KCNMA1: variants seen among roughly 807,000 people sequenced by gnomAD.
KCNMA1 encodes Calcium-activated potassium channel subunit alpha-1.
Under a neutral mutation model 140.0 loss-of-function variants are expected in KCNMA1, and 29 were observed. That is an observed-to-expected ratio of 0.21 (90% confidence interval 0.15 to 0.28). KCNMA1 has a LOEUF of 0.28. Among genes scored for constraint, KCNMA1 ranks in the 10% least tolerant of loss-of-function variants. KCNMA1 has a pLI of 1.00. For synonymous variants in KCNMA1, 612 were observed against 611.9 expected, an observed-to-expected ratio of 1.00 and a Z score of 0.00; for missense variants, 880 against 1,602.2, an observed-to-expected ratio of 0.55 and a Z score of 7.70.
chr10:76,965,211 A>C (rs11001948), intron 20 of KCNMA1, among the ~76,000 whole-genome samples: 11,553 of 152,204 alleles, frequency 0.076, 589 homozygotes, highest in Admixed American at 0.17. Context: ...TGATGATTTT[A>C]GAGGAAAACT....
At chr10:77,063,767 C>CA in intron 14 of KCNMA1, 1 of 985,338 alleles carries the variant, frequency 1.0e-6, no homozygotes, top group Non-Finnish European at 1.2e-6. Flanking sequence ...CTCAAAAAAC[C>CA]AAAGTCAAAA....
chr10:77,246,361 C>T (rs1208547608), intron 3 of KCNMA1, among the ~76,000 whole-genome samples: 2 of 152,216 alleles, frequency 1.3e-5, no homozygotes, highest in African/African-American at 4.8e-5. Flanking sequence ...GTTGCATGTG[C>T]TATTTTTGGT....
At position 77,438,851 on chromosome 10, in the gene KCNMA1, T is replaced by C. The variant is rs528950203; in HGVS notation, c.379-34828A>G. On this transcript the variant is annotated intron_variant, in intron 1 of 27. Coordinates refer to ENST00000286628, the MANE Select transcript of KCNMA1 (RefSeq NM_001161352.2). ...CAGCACTTTGGGAGGCCAAGACGGGTGGATCACCTGAGGTCAGGAGTTCAA... is the reference window on the plus strand; with the variant it reads ...CAGCACTTTGGGAGGCCAAGACGGGCGGATCACCTGAGGTCAGGAGTTCAA... Among the ~76,000 whole-genome samples the C allele has an allele frequency of 2.6e-5, 4 of 151,886 alleles. No individual in the cohort carries two copies. The South Asian group carries it at 8.3e-4, about 32-fold the overall frequency.
At position 77,582,348 on chromosome 10, in the gene KCNMA1, CAACTT is replaced by C. The variant is rs566119203; in HGVS notation, c.378+54912_378+54916del. Among the ~76,000 whole-genome samples, 16 of 152,320 alleles carry C rather than the reference CAACTT, an allele frequency of 1.1e-4. No homozygotes were observed. The East Asian group carries it at 2.9e-3, about 28-fold the overall frequency. On this transcript the variant is annotated intron_variant, in intron 1 of 27. Coordinates refer to ENST00000286628, the MANE Select transcript of KCNMA1 (RefSeq NM_001161352.2). ...CATCAGGGTTATTATGAGGCATAAA[CAACTT>C]AATATATGTGGAAGAGGAGCTTAAT...
chr10:77,146,224 T>C (rs1223614298), intron 5 of KCNMA1, among the ~76,000 whole-genome samples: 1 of 152,168 alleles, frequency 6.6e-6, no homozygotes, highest in East Asian at 1.9e-4. Flanking sequence ...GAAATTAGCC[T>C]TCTTCTCTTC....
At chr10:77,515,230 G>A (rs907419197) in intron 1 of KCNMA1, among the ~76,000 whole-genome samples, 4 of 152,114 alleles carry the variant, frequency 2.6e-5, no homozygotes, top group Admixed American at 6.5e-5. Context: ...AAAGGAGAGC[G>A]TGCAATGGCT....
Position 77,529,095 on chromosome 10 carries a change from A to T in KCNMA1, c.378+108170T>A, listed in dbSNP as rs184152628. Among the ~76,000 whole-genome samples, 541 of 148,318 alleles carry T rather than the reference A, an allele frequency of 3.6e-3. 4 individuals carry two copies. The highest frequency in any genetic ancestry group is 0.012 in the African/African-American group (477 of 38,490). On this transcript the variant is annotated intron_variant, in intron 1 of 27. Coordinates refer to ENST00000286628, the MANE Select transcript of KCNMA1 (RefSeq NM_001161352.2). The stretch of plus-strand genomic sequence containing the variant: ...AGTGTGTATATTTTACCATAATAAT[A>T]AAAAAAAAGAATTCAGAAAGGGCAC...
chr10:77,595,468 C>T (rs2080626491), intron 1 of KCNMA1, among the ~76,000 whole-genome samples: 1 of 151,582 alleles, frequency 6.6e-6, no homozygotes, highest in Non-Finnish European at 1.5e-5. Flanking sequence ...GGCACATGGA[C>T]TTCGGGGCCC....
intron 1 of KCNMA1, chr10:77,587,746 C>G (rs1320119657): frequency 2.0e-6 from 2 of 985,266 alleles, no homozygotes; most frequent in Non-Finnish European, 2.4e-6. Flanking sequence ...TTCCCAGGTG[C>G]TTTCATGTCT....
intron 1 of KCNMA1, among the ~76,000 whole-genome samples, chr10:77,452,450 A>AT: frequency 6.6e-6 from 1 of 152,356 alleles, no homozygotes; most frequent in Middle Eastern, 3.4e-3. Flanking sequence ...TGTGAAAGAC[A>AT]TTTGGGTGGT....
At chr10:76,916,489 C>T (rs144392411) in intron 23 of KCNMA1, among the ~76,000 whole-genome samples, 265 of 152,306 alleles carry the variant, frequency 1.7e-3, no homozygotes, top group Middle Eastern at 6.8e-3. Flanking sequence ...ATTTTTCTAA[C>T]GAAGCATACG....
intron 5 of KCNMA1, among the ~76,000 whole-genome samples, chr10:77,146,898 T>A (rs2098312284): frequency 1.3e-5 from 2 of 152,074 alleles, no homozygotes; most frequent in South Asian, 4.1e-4. Context: ...CTCTCGGGTG[T>A]AATGGATTGG....
chr10:77,439,116 A>AGAAGAGAAGAGAAGG (rs2097331245), intron 1 of KCNMA1, among the ~76,000 whole-genome samples: 1 of 144,146 alleles, frequency 6.9e-6, no homozygotes, highest in African/African-American at 2.6e-5. Context: ...AGAAGAGAAG[A>AGAAGAGAAGAGAAGG]GAAGAGAAGA....
At chr10:77,086,833 G>T (rs1391132253) in intron 10 of KCNMA1, among the ~76,000 whole-genome samples, 1 of 152,244 alleles carries the variant, frequency 6.6e-6, no homozygotes, top group Non-Finnish European at 1.5e-5. Context: ...GGAAGGCCAA[G>T]ACCTCAGGAC....
At chr10:77,367,036 G>A (rs1181391722) in intron 2 of KCNMA1, among the ~76,000 whole-genome samples, 1 of 152,200 alleles carries the variant, frequency 6.6e-6, no homozygotes, top group Non-Finnish European at 1.5e-5. Flanking sequence ...AGAAACATCT[G>A]AAAAGTGAAA....
chr10:77,159,436 CA>C, intron 5 of KCNMA1, among the ~76,000 whole-genome samples: 1 of 152,148 alleles, frequency 6.6e-6, no homozygotes, highest in Non-Finnish European at 1.5e-5. Flanking sequence ...TTTGAGTGAG[CA>C]AAGTTCCCAG....
At chr10:77,067,656 G>A (rs2096009548) in intron 14 of KCNMA1, among the ~76,000 whole-genome samples, 1 of 152,174 alleles carries the variant, frequency 6.6e-6, no homozygotes, top group Non-Finnish European at 1.5e-5. Flanking sequence ...AAACAGCAGT[G>A]TGTGTCAATC....
At position 77,637,610 on chromosome 10, in the gene KCNMA1, G is replaced by A; in HGVS notation, c.33C>T (p.Ser11=). The A allele has an allele frequency of 6.6e-7, 1 of 1,524,154 alleles. No individual in the cohort carries two copies. The allele number at this position is 1,524,154 out of a possible 1,614,324, so 94.4% of individuals were successfully genotyped here. ...CTCCGCCGCCGCCGCCGCCGCCGCT[G>A]CTGCCGCCGCCGCCGCCGCCACCAT... is the stretch of plus-strand genomic sequence containing the variant. MANGGGGGGG[S]SGGGGGGGGS... is the part of the protein sequence containing the mutation. The change falls in exon 1 of 28, where the codon AGC becomes AGT. Residue 11 remains serine, a synonymous_variant. Transcript: ENST00000286628.
At chr10:76,958,687 C>T (rs910020030) in intron 20 of KCNMA1, among the ~76,000 whole-genome samples, 1 of 152,100 alleles carries the variant, frequency 6.6e-6, no homozygotes, top group Non-Finnish European at 1.5e-5. Context: ...CATGTGAAGA[C>T]AGAGGGAAAA....
Sources: gnomAD v4.1 joint callset for allele counts (sites outside exome capture counted in the v4.1 genomes callset) on GRCh38, gnomAD v4.1.1 for gene constraint, MANE v1.5 for transcripts, NCBI Gene and HGNC (gene_info 2026-07-23, HGNC 2026-07-21) for gene names.